The following ZNF695 variants were observed in gnomAD, a reference collection of about 807,000 sequenced individuals.
The protein encoded by ZNF695 is zinc finger protein SBZF3.
Under a neutral mutation model 11.2 loss-of-function variants are expected in ZNF695, and 11 were observed. The observed-to-expected ratio is 0.98, with a 90% CI of 0.62 to 1.62. The LOEUF (loss-of-function observed/expected upper bound fraction) is 1.62, where lower values mean the gene tolerates loss of function less well. Among genes scored for constraint, ZNF695 ranks in the 40% most tolerant of loss-of-function variants. The pLI is 0.00. For missense variants in ZNF695, 559 were observed against 590.5 expected, an observed-to-expected ratio of 0.95 and a Z score of 0.55; for synonymous variants, 190 against 201.4, an observed-to-expected ratio of 0.94 and a Z score of 0.48.
At chr1:246,978,963 C>T (rs543668705) in intron 4 of ZNF695, among the ~76,000 whole-genome samples, 1 of 152,318 alleles carries the variant, frequency 6.6e-6, no homozygotes, top group African/African-American at 2.4e-5. Flanking sequence ...TTTAAGTGGA[C>T]TCTAGTCTTG....
At chr1:246,946,244 A>AC (rs1471144152) in intron 5 of ZNF695, among the ~76,000 whole-genome samples, 1 of 152,042 alleles carries the variant, frequency 6.6e-6, no homozygotes, top group Non-Finnish European at 1.5e-5. Flanking sequence ...TCTTGAGTCT[A>AC]CCTATCACTA....
At position 246,973,277 on chromosome 1, in the gene ZNF695, G is replaced by A. The variant is rs569568847; in HGVS notation, c.391-5485C>T. Among the ~76,000 whole-genome samples, 4 of 152,068 alleles carry A rather than the reference G, an allele frequency of 2.6e-5. No homozygotes were observed. The South Asian group carries it at 8.3e-4, about 32-fold the overall frequency. On this transcript the variant is annotated intron_variant, in intron 4 of 5. Coordinates refer to the ZNF695 transcript ENST00000487338. ...TCAGTCAGGCTGGTCTCGAACTCCC[G>A]ACCTCAGGTGATCTGCCCGCCTCAA...
rs1226481549 is a variant in ZNF695 at position 246,986,489 on chromosome 1, T to C, written c.*478A>G. 1 of 987,268 alleles carries C rather than the reference T, an allele frequency of 1.0e-6. No individual in the cohort carries two copies. The highest frequency in any genetic ancestry group is 1.2e-6 in the Non-Finnish European group (1 of 831,298). 61.2% of individuals were successfully genotyped at this position (987,268 alleles called of 1,614,324 possible). On this transcript the variant is annotated 3_prime_UTR_variant, in exon 4 of 4. Transcript: ENST00000339986. ...TCAGATTTACAGTAATGTCTGAAAG[T>C]GTCAGTGACTTAGTGCTTTTTACTA...
intron 2 of ZNF695, 102 bp downstream of exon 2, chr1:246,999,810 G>T: frequency 4.8e-6 from 6 of 1,257,958 alleles, no homozygotes; most frequent in Non-Finnish European, 6.6e-6. Context: ...TCTACACCAA[G>T]AAATCCCCAA....
At chr1:246,955,941 C>T (rs1667983956) in intron 5 of ZNF695, among the ~76,000 whole-genome samples, 1 of 150,880 alleles carries the variant, frequency 6.6e-6, no homozygotes, top group Non-Finnish European at 1.5e-5. Context: ...CAGATGAGGA[C>T]ATTAACCAAA....
chr1:246,977,653 G>T (rs1668604199), intron 4 of ZNF695, among the ~76,000 whole-genome samples: 1 of 152,190 alleles, frequency 6.6e-6, no homozygotes, highest in Non-Finnish European at 1.5e-5. Flanking sequence ...GAGTTTTTAT[G>T]ACATTGGTGA....
Position 247,007,995 on chromosome 1 carries a change from C to G in ZNF695, c.-87G>C. 1.5e-6 allele frequency: 2 copies of G among 1,374,276 alleles called. No homozygotes were observed. Among genetic ancestry groups the G allele is most frequent in the South Asian group, 3.7e-5 (2 of 54,744 alleles). 85.1% of individuals were successfully genotyped at this position (1,374,276 alleles called of 1,614,324 possible). ...GGGCGATGGAGCCTGCGGCAGTCAC[C>G]CGGGACTCTCCGAGAGGCAGCAGAC... On this transcript the variant is annotated 5_prime_UTR_variant, in exon 1 of 4. Transcript: ENST00000339986.
intron 4 of ZNF695, chr1:246,968,192 A>G (rs1281350813): frequency 6.6e-6 from 1 of 152,286 alleles, no homozygotes; most frequent in East Asian, 1.9e-4. Flanking sequence ...TCTAGGATAC[A>G]ATAAGGGTAC....
intron 1 of ZNF695, among the ~76,000 whole-genome samples, chr1:247,003,798 AAAAC>A (rs960181792): frequency 2.6e-5 from 4 of 152,256 alleles, no homozygotes; most frequent in Non-Finnish European, 5.9e-5. Flanking sequence ...TTATTTCAGA[AAAAC>A]AAAATACATT....
intron 5 of ZNF695, among the ~76,000 whole-genome samples, chr1:246,958,987 C>T (rs1003052305): frequency 1.3e-5 from 2 of 151,718 alleles, no homozygotes; most frequent in South Asian, 4.2e-4. Context: ...CAGATGTCAG[C>T]GAATCAGATA....
At position 246,999,415 on chromosome 1, in the gene ZNF695, C is replaced by T; in HGVS notation, c.192G>A (p.Leu64=). ...CTTTCCTTGCCTCCAGACAGATGAT[C>T]AGTTCTGGCTTAGACATAGCAAGAC... ...FHSLAMSKPE[L]IICLEARKEP... Residue 64 remains leucine (L), a synonymous_variant, in exon 3 of 4, where the codon CTG becomes CTA. Transcript: ENST00000339986. The T allele has an allele frequency of 6.2e-7, 1 of 1,613,886 alleles. No individual in the cohort carries two copies. The highest frequency in any genetic ancestry group is 2.2e-5 in the East Asian group (1 of 44,898).
At position 246,985,461 on chromosome 1, in the gene ZNF695, G is replaced by A; in HGVS notation, c.*1506C>T. On this transcript the variant is annotated 3_prime_UTR_variant, in exon 4 of 4. Transcript: ENST00000339986. ...TTGAAGTTTAATGCCACTGGGAGAA[G>A]GGATCATTAGAGATACTATTCCACC... The A allele has an allele frequency of 1.0e-6, 1 of 985,284 alleles. No homozygotes were observed. The highest frequency in any genetic ancestry group is 1.2e-6 in the Non-Finnish European group (1 of 829,868). The allele number at this position is 985,284 out of a possible 1,614,324, so 61.0% of individuals were successfully genotyped here.
At position 247,008,040 on chromosome 1, in the gene ZNF695, G is replaced by A. The variant is rs1337603525; in HGVS notation, c.-132C>T. On this transcript the variant is annotated 5_prime_UTR_variant, in exon 1 of 4. Coordinates refer to ENST00000339986, the MANE Select transcript of ZNF695 (RefSeq NM_020394.5). ...GCAGACGGGAACCCAGCACCCCGCC[G>A]GCCGCAAGGAGACAAAGGCCCCGCC... 5.7e-6 allele frequency: 6 copies of A among 1,056,422 alleles called. No individual in the cohort carries two copies. The highest frequency in any genetic ancestry group is 2.5e-6 in the Non-Finnish European group (2 of 795,090). 65.4% of individuals were successfully genotyped at this position (1,056,422 alleles called of 1,614,324 possible).
intron 5 of ZNF695, chr1:246,945,897 G>C: frequency 6.5e-7 from 1 of 1,530,630 alleles, no homozygotes; most frequent in South Asian, 1.2e-5. Flanking sequence ...TTTATGCTGA[G>C]GTGTTAAACC....
At chr1:246,984,406 A>C (rs1668795535), downstream of ZNF695, among the ~76,000 whole-genome samples, 1 of 152,150 alleles carries the variant, frequency 6.6e-6, no homozygotes, top group South Asian at 2.1e-4. Context: ...AGAGAGAGTC[A>C]GTTGTGCAGC....
intron 5 of ZNF695, among the ~76,000 whole-genome samples, chr1:246,946,410 C>T (rs1241187236): frequency 6.6e-6 from 1 of 152,242 alleles, no homozygotes; most frequent in Non-Finnish European, 1.5e-5. Flanking sequence ...GGTCTGATTT[C>T]TTACTCATTT....
At chr1:246,976,739 T>G (rs111877276) in intron 4 of ZNF695, among the ~76,000 whole-genome samples, 6 of 152,082 alleles carry the variant, frequency 3.9e-5, no homozygotes, top group South Asian at 4.2e-4. Flanking sequence ...GCTTGCAGTG[T>G]GCTGAGATCG....
intron 3 of ZNF695, among the ~76,000 whole-genome samples, chr1:246,990,863 G>A (rs1669011031): frequency 6.6e-6 from 1 of 152,136 alleles, no homozygotes; most frequent in African/African-American, 2.4e-5. Context: ...AATGACCAGT[G>A]AATTAAAAGA....
At chr1:246,988,290 A>G (rs1272259788) in intron 3 of ZNF695, 35 bp from the exon 4 acceptor site, 1 of 1,456,286 alleles carries the variant, frequency 6.9e-7, no homozygotes, top group Non-Finnish European at 9.2e-7. Context: ...TATTCCACTT[A>G]CTAGATAGCA....
Sources: allele counts gnomAD v4.1 joint callset (sites outside exome capture counted in the v4.1 genomes callset), GRCh38; gene constraint gnomAD v4.1.1; transcripts MANE v1.5; gene names NCBI Gene and HGNC (gene_info 2026-07-23, HGNC 2026-07-21).